NOTCH2NLC: variants seen among roughly 807,000 people sequenced by gnomAD.
NOTCH2NLC encodes the protein notch 2 N-terminal like C, also known as notch homolog 2 N-terminal-like protein C.
A neutral mutation model predicts 17.7 loss-of-function variants in NOTCH2NLC; 4 were observed. That is an observed-to-expected ratio of 0.23 (90% confidence interval 0.11 to 0.52). The LOEUF (loss-of-function observed/expected upper bound fraction) is 0.52. Ranked by LOEUF, NOTCH2NLC falls within the 20% of genes least tolerant of loss-of-function variation. The probability of loss-of-function intolerance (pLI) is 0.96; values close to 1 mark genes in which losing one functional copy is unlikely to be tolerated. For synonymous variants in NOTCH2NLC, 18 were observed against 86.0 expected (o/e 0.21, Z 4.38); for missense variants, 57 against 207.2 (o/e 0.28, Z 4.45).
chr1:149,399,246 G>A (rs1330357404), intron 1 of NOTCH2NLC, among the ~76,000 whole-genome samples: 1 of 149,186 alleles, frequency 6.7e-6, no homozygotes, highest in Non-Finnish European at 1.5e-5. Context: ...CTTTTTTTTT[G>A]TGAGAAGATT....
chr1:149,390,696 C>G lies in NOTCH2NLC; in HGVS notation c.-92C>G. 8.1e-7 allele frequency: 1 copy of G among 1,238,042 alleles called. No homozygotes were observed. The highest frequency in any genetic ancestry group is 1.0e-6 in the Non-Finnish European group (1 of 986,946). 76.7% of individuals were successfully genotyped at this position (1,238,042 alleles called of 1,614,324 possible). On this transcript the variant is annotated 5_prime_UTR_variant, in exon 1 of 5. Coordinates refer to ENST00000650865, the MANE Select transcript of NOTCH2NLC (RefSeq NM_001364013.2). ...GGCGCGGGGAGTCGAGGCATTTGCG[C>G]CTGTGCTTCGGACCGTAGCGCCAGG...
chr1:149,396,021 T>C (rs2084205453), intron 1 of NOTCH2NLC, among the ~76,000 whole-genome samples: 1 of 151,296 alleles, frequency 6.6e-6, no homozygotes, highest in African/African-American at 2.4e-5. Context: ...AAATTCAGAG[T>C]CAACTGAGCG....
chr1:149,445,897 G>A (rs1233400197), intron 2 of NOTCH2NLC, among the ~76,000 whole-genome samples: 6,032 of 85,658 alleles, frequency 0.07, 237 homozygotes, highest in Middle Eastern at 0.11. Context: ...CCAAATCCTC[G>A]TTTTAAAAAA....
At chr1:149,433,345 T>C (rs2084463892) in intron 2 of NOTCH2NLC, among the ~76,000 whole-genome samples, 2 of 144,746 alleles carry the variant, frequency 1.4e-5, no homozygotes, top group Non-Finnish European at 3.1e-5. Flanking sequence ...GCTTAAAACC[T>C]GGATGACGGG....
At chr1:149,427,567 C>T (rs1470567920) in intron 1 of NOTCH2NLC, among the ~76,000 whole-genome samples, 7 of 70,592 alleles carry the variant, frequency 9.9e-5, no homozygotes, top group African/African-American at 2.9e-4. Context: ...GGAGCAATCT[C>T]GGCTCACTGC....
chr1:149,414,727 A>G (rs879165654), intron 1 of NOTCH2NLC, among the ~76,000 whole-genome samples: 1 of 151,134 alleles, frequency 6.6e-6, no homozygotes, highest in African/African-American at 2.4e-5. Context: ...CACCTCCCCT[A>G]CTTCTGGGGT....
intron 1 of NOTCH2NLC, among the ~76,000 whole-genome samples, chr1:149,412,131 CAAA>C (rs1174642398): frequency 8.8e-5 from 10 of 114,034 alleles, no homozygotes; most frequent in Admixed American, 8.6e-5. Flanking sequence ...AAAAAAAAAA[CAAA>C]AAAAAAACAA....
intron 1 of NOTCH2NLC, among the ~76,000 whole-genome samples, chr1:149,429,189 G>A (rs1181788343): frequency 6.7e-6 from 1 of 149,686 alleles, no homozygotes; most frequent in East Asian, 2.0e-4. Flanking sequence ...TCATAGAGAT[G>A]GGTTGGACTT....
chr1:149,449,721 C>T (rs1329870389), intron 2 of NOTCH2NLC, among the ~76,000 whole-genome samples: 1 of 151,218 alleles, frequency 6.6e-6, no homozygotes, highest in African/African-American at 2.4e-5. Flanking sequence ...ATGAGACCAC[C>T]ACCATTATCT....
intron 1 of NOTCH2NLC, among the ~76,000 whole-genome samples, chr1:149,417,262 A>C (rs1275132868): frequency 4.7e-5 from 7 of 149,868 alleles, no homozygotes; most frequent in Non-Finnish European, 7.5e-5. Flanking sequence ...GGTGCCCGCC[A>C]CCACGCCCGC....
At chr1:149,417,573 GT>G (rs2084343408) in intron 1 of NOTCH2NLC, among the ~76,000 whole-genome samples, 1 of 150,684 alleles carries the variant, frequency 6.6e-6, no homozygotes, top group Admixed American at 6.6e-5. Context: ...GTGTAAAATG[GT>G]GCTAATACCA....
rs1474015122 is a variant in NOTCH2NLC, at chr1:149,445,929, A to T, written c.210-9389A>T. On this transcript the variant is annotated intron_variant, in intron 2 of 4. Coordinates refer to ENST00000650865, the MANE Select transcript of NOTCH2NLC (RefSeq NM_001364013.2). ...AAAAAAAAAAAAAAAAAAAAAAGCT[A>T]AAGACAGAGCTGCAGCAAAGCCCTG... 1.8e-3 allele frequency among the ~76,000 whole-genome samples: 222 copies of T among 126,726 alleles called. 2 individuals carry two copies. The highest frequency in any genetic ancestry group is 6.2e-3 in the African/African-American group (214 of 34,426). 83.1% of individuals were successfully genotyped at this position (126,726 alleles called of 152,430 possible).
chr1:149,430,825 C>A, intron 1 of NOTCH2NLC, 117 bp from the exon 2 acceptor site: 7 of 353,060 alleles, frequency 2.0e-5, no homozygotes, highest in South Asian at 4.7e-5. Context: ...TAAAAAGAAA[C>A]CCAGATTAGG....
chr1:149,412,142 C>A (rs1348783885), intron 1 of NOTCH2NLC, among the ~76,000 whole-genome samples: 2,423 of 138,046 alleles, frequency 0.018, 45 homozygotes, highest in African/African-American at 0.058. Context: ...AAAAAAAAAA[C>A]AAAAAAAAGT....
intron 1 of NOTCH2NLC, among the ~76,000 whole-genome samples, chr1:149,412,125 A>C (rs1342737031): frequency 6.9e-5 from 10 of 145,330 alleles, no homozygotes; most frequent in Non-Finnish European, 1.1e-4. Context: ...CCAAAAAAAA[A>C]AAAAACAAAA....
intron 1 of NOTCH2NLC, among the ~76,000 whole-genome samples, chr1:149,419,857 T>TATATA (rs2084369385): frequency 5.7e-4 from 41 of 72,456 alleles, no homozygotes; most frequent in African/African-American, 1.9e-3. Context: ...ATATATATAT[T>TATATA]TTTTTTTTTT....
chr1:149,442,288 T>TA lies in NOTCH2NLC; in HGVS notation c.209+11274dup, dbSNP rs1361408530. Among the ~76,000 whole-genome samples, 2 of 150,226 alleles carry TA rather than the reference T, an allele frequency of 1.3e-5. 1 individual carries two copies. The highest frequency in any genetic ancestry group is 3.0e-5 in the Non-Finnish European group (2 of 67,286). ...GCTTTCTTATGCATCTGTGAGGGGC[T>TA]AGCTGAAAGTGTGAGTTGTGGAACA... is the stretch of plus-strand genomic sequence containing the variant. On this transcript the variant is annotated intron_variant, in intron 2 of 4. Coordinates refer to ENST00000650865, the MANE Select transcript of NOTCH2NLC (RefSeq NM_001364013.2).
chr1:149,439,770 CTATT>C (rs2084504462), intron 2 of NOTCH2NLC, among the ~76,000 whole-genome samples: 2 of 150,330 alleles, frequency 1.3e-5, no homozygotes, highest in East Asian at 2.0e-4. Flanking sequence ...TTTCTAGATC[CTATT>C]TATTCACTGT....
intron 1 of NOTCH2NLC, among the ~76,000 whole-genome samples, chr1:149,429,249 G>A (rs1313766069): frequency 3.3e-5 from 5 of 150,794 alleles, no homozygotes; most frequent in African/African-American, 9.8e-5. Flanking sequence ...CTAGTGGTGC[G>A]ATGCCCCATA....
Sources: allele counts gnomAD v4.1 joint callset (sites outside exome capture counted in the v4.1 genomes callset), GRCh38; gene constraint gnomAD v4.1.1; transcripts MANE v1.5; gene names NCBI Gene and HGNC (gene_info 2026-07-23, HGNC 2026-07-21).